PGM2L1: variants seen among roughly 807,000 people sequenced by gnomAD.
The protein encoded by PGM2L1 is glucose 1,6-bisphosphate synthase.
In PGM2L1, 35 loss-of-function variants were observed where a neutral mutation model predicts 73.4. The ratio of observed to expected loss-of-function variants is 0.48; its 90% confidence interval spans 0.36 to 0.63. The LOEUF (loss-of-function observed/expected upper bound fraction) is 0.63, where lower values mean the gene tolerates loss of function less well. Ranked by LOEUF, PGM2L1 falls within the 30% of genes least tolerant of loss-of-function variation. The pLI is 0.00. For missense variants in PGM2L1, 570 were observed against 742.0 expected (o/e 0.77, Z 2.69); for synonymous variants, 225 against 253.8 (o/e 0.89, Z 1.08).
intron 4 of PGM2L1, among the ~76,000 whole-genome samples, chr11:74,369,491 C>T (rs572246776): frequency 1.6e-4 from 25 of 152,144 alleles, no homozygotes; most frequent in East Asian, 9.6e-4. Context: ...ATGGATTAAA[C>T]GAGGAACGAG....
At chr11:74,378,122 C>T (rs555631473) in intron 1 of PGM2L1, among the ~76,000 whole-genome samples, 21 of 151,982 alleles carry the variant, frequency 1.4e-4, no homozygotes, top group Non-Finnish European at 2.5e-4. Context: ...GCCAACATGG[C>T]GAAACCTTGT....
Position 74,368,734 on chromosome 11 carries a change from C to A in PGM2L1, c.472-159G>T, listed in dbSNP as rs568046591. Among the ~76,000 whole-genome samples, 6 of 152,198 alleles carry A rather than the reference C, an allele frequency of 3.9e-5. No homozygotes were observed. The East Asian group carries it at 5.8e-4, about 15-fold the overall frequency. ...TCTATTTACTTGATTTTTCCTCATA[C>A]CTTTATTATAAGATTTCCTTCCTTT... On this transcript the variant is annotated intron_variant, in intron 4 of 13. Transcript: ENST00000298198.
At chr11:74,346,664 C>T (rs1862271230) in intron 8 of PGM2L1, 68 bp downstream of exon 8, 2 of 1,196,198 alleles carry the variant, frequency 1.7e-6, no homozygotes, top group East Asian at 2.3e-5. Context: ...TTTCAATGAG[C>T]CTGTAAGACT....
At chr11:74,383,824 A>AATATAAATAT (rs1555102284) in intron 1 of PGM2L1, among the ~76,000 whole-genome samples, 1 of 121,838 alleles carries the variant, frequency 8.2e-6, no homozygotes, top group African/African-American at 3.5e-5. Flanking sequence ...TATATAAATA[A>AATATAAATAT]ATATATATAT....
intron 5 of PGM2L1, chr11:74,355,076 T>C: frequency 1.6e-6 from 2 of 1,285,608 alleles, no homozygotes; most frequent in Non-Finnish European, 2.2e-6. Flanking sequence ...GAGGTGGTTT[T>C]GGTGGGAAGG....
intron 5 of PGM2L1, chr11:74,354,561 C>A: frequency 8.7e-7 from 1 of 1,152,836 alleles, no homozygotes; most frequent in Non-Finnish European, 1.3e-6. Context: ...TGGGAATGCT[C>A]ACGAACTGTG....
Position 74,380,667 on chromosome 11 carries a change from C to G in PGM2L1, c.112-6085G>C, listed in dbSNP as rs181985191. ...GTTAATTATTTTGTTTCAAAAAAAC[C>G]TATCTTTTTTTAAAAAAACTATAAT... On this transcript the variant is annotated intron_variant, in intron 1 of 13. Coordinates refer to ENST00000298198, the MANE Select transcript of PGM2L1 (RefSeq NM_173582.6). Among the ~76,000 whole-genome samples the G allele has an allele frequency of 3.9e-5, 6 of 152,004 alleles. No homozygotes were observed. The East Asian group carries it at 1.2e-3, about 29-fold the overall frequency.
At chr11:74,397,992 G>T in intron 1 of PGM2L1, 59 bp downstream of exon 1, 1 of 1,512,706 alleles carries the variant, frequency 6.6e-7, no homozygotes. Flanking sequence ...GGTGGGCACA[G>T]GAAAGAGCAG....
chr11:74,377,463 A>G (rs568131520), intron 1 of PGM2L1, among the ~76,000 whole-genome samples: 9 of 152,266 alleles, frequency 5.9e-5, no homozygotes, highest in Non-Finnish European at 1.3e-4. Context: ...ATTTTTATGT[A>G]GAACTCAGGT....
chr11:74,344,587 A>G (rs513378), intron 9 of PGM2L1, among the ~76,000 whole-genome samples: 8,160 of 152,202 alleles, frequency 0.054, 703 homozygotes, highest in African/African-American at 0.18. Context: ...TTACTACAAA[A>G]TAAAAATTAA....
intron 1 of PGM2L1, among the ~76,000 whole-genome samples, chr11:74,386,993 GA>G (rs1863027121): frequency 6.6e-6 from 1 of 152,126 alleles, no homozygotes; most frequent in Admixed American, 6.5e-5. Context: ...ATGATTTAAC[GA>G]AATGGGAACT....
At position 74,336,515 on chromosome 11, in the gene PGM2L1, A is replaced by G; in HGVS notation, c.*137T>C. 2.0e-6 allele frequency: 1 copy of G among 491,924 alleles called. No homozygotes were observed. 30.5% of individuals were successfully genotyped at this position (491,924 alleles called of 1,614,324 possible). On this transcript the variant is annotated 3_prime_UTR_variant, in exon 14 of 14. Coordinates refer to ENST00000298198, the MANE Select transcript of PGM2L1 (RefSeq NM_173582.6). ...TTGTTTAGTCTAGCCAGTTGACCAAAAAGAAAGAAAATAAAAGGAAAAAGA... is the reference window on the plus strand; with the variant it reads ...TTGTTTAGTCTAGCCAGTTGACCAAGAAGAAAGAAAATAAAAGGAAAAAGA...
At chr11:74,397,645 T>TA (rs1863196943) in intron 1 of PGM2L1, 1 of 156,230 alleles carries the variant, frequency 6.4e-6, no homozygotes, top group African/African-American at 2.4e-5. Flanking sequence ...AAACGCCCAG[T>TA]AAGGGTGCCA....
Position 74,374,533 on chromosome 11 carries a change from T to C in PGM2L1, c.161A>G (p.Asn54Ser). ...ACAAAGACGATCTCGCAGCTCCTTG[T>C]TCATCCCATTCCGTAACAGGTTTTC... ...QIENLLRNGM[N>S]KELRDRLCCR... The change falls in exon 2 of 14, where the codon AAC becomes AGC. Residue 54 changes from asparagine (N) to serine (S), a missense_variant. Asn to Ser is a conservative substitution (Grantham distance 46, BLOSUM62 1). Transcript: ENST00000298198. The C allele has an allele frequency of 1.2e-6, 2 of 1,614,190 alleles. No individual in the cohort carries two copies. Among genetic ancestry groups the C allele is most frequent in the Non-Finnish European group, 1.7e-6 (2 of 1,180,012 alleles).
intron 4 of PGM2L1, among the ~76,000 whole-genome samples, chr11:74,368,866 C>T (rs372708732): frequency 2.0e-5 from 3 of 151,992 alleles, no homozygotes; most frequent in East Asian, 3.9e-4. Flanking sequence ...CTATACATTT[C>T]CCTCTAAGTA....
At chr11:74,350,958 C>T (rs1862342882) in intron 6 of PGM2L1, among the ~76,000 whole-genome samples, 1 of 151,914 alleles carries the variant, frequency 6.6e-6, no homozygotes, top group Non-Finnish European at 1.5e-5. Context: ...ACTCTATAAC[C>T]TATAGCTTCC....
chr11:74,359,003 A>G (rs1395433013), intron 5 of PGM2L1, among the ~76,000 whole-genome samples: 1 of 152,234 alleles, frequency 6.6e-6, no homozygotes, highest in Admixed American at 6.5e-5. Flanking sequence ...CATATATAAA[A>G]TTTTAAATTT....
intron 9 of PGM2L1, among the ~76,000 whole-genome samples, chr11:74,343,724 T>C (rs1159383626): frequency 6.6e-6 from 1 of 151,274 alleles, no homozygotes; most frequent in East Asian, 1.9e-4. Context: ...GTATAATCAG[T>C]ATAATCACCT....
intron 1 of PGM2L1, among the ~76,000 whole-genome samples, chr11:74,377,349 G>A (rs563972142): frequency 6.6e-6 from 1 of 152,084 alleles, no homozygotes; most frequent in East Asian, 1.9e-4. Context: ...TAGCCAGGAT[G>A]GTCTCGATCT....
Sources: gnomAD v4.1 joint callset for allele counts (sites outside exome capture counted in the v4.1 genomes callset) on GRCh38, gnomAD v4.1.1 for gene constraint, MANE v1.5 for transcripts, NCBI Gene and HGNC (gene_info 2026-07-23, HGNC 2026-07-21) for gene names.